Variants in EAF2 observed in about 807,000 individuals in gnomAD.
EAF2 encodes the protein ELL-associated factor 2.
A neutral mutation model predicts 29.4 loss-of-function variants in EAF2; 29 were observed. The ratio of observed to expected loss-of-function variants is 0.99; its 90% CI spans 0.73 to 1.35. The LOEUF (loss-of-function observed/expected upper bound fraction) is 1.35, where lower values mean the gene tolerates loss of function less well. EAF2 is among the 40% of genes most tolerant of loss of function. EAF2 has a pLI of 0.00. For missense variants in EAF2, 292 were observed against 312.0 expected (o/e 0.94, Z 0.48); for synonymous variants, 103 against 102.5 (o/e 1.00, Z -0.03).
intron 1 of EAF2, among the ~76,000 whole-genome samples, chr3:121,840,508 A>AG: frequency 1.7e-5 from 1 of 59,210 alleles, no homozygotes; most frequent in Non-Finnish European, 3.9e-5. Flanking sequence ...AAAAAAAAAA[A>AG]GAAAAAAAAA....
chr3:121,849,254 G>A (rs968591672), intron 2 of EAF2, among the ~76,000 whole-genome samples: 2 of 152,064 alleles, frequency 1.3e-5, no homozygotes, highest in Non-Finnish European at 2.9e-5. Context: ...TTAAGAGTAC[G>A]TTTGGTTCTT....
chr3:121,858,117 C>G (rs1044896843), intron 4 of EAF2, among the ~76,000 whole-genome samples: 3 of 152,216 alleles, frequency 2.0e-5, no homozygotes, highest in Admixed American at 1.3e-4. Flanking sequence ...GTGAATAGTG[C>G]CACAATAAAC....
At chr3:121,842,042 G>T (rs751608739) in intron 1 of EAF2, among the ~76,000 whole-genome samples, 1 of 151,700 alleles carries the variant, frequency 6.6e-6, no homozygotes, top group Non-Finnish European at 1.5e-5. Flanking sequence ...AAAATTTCCG[G>T]GTGTGGTGTC....
In EAF2 at chr3:121,872,662, T is replaced by C. The variant is rs1243799739; in HGVS notation, c.610T>C (p.Ser204Pro). Reference protein sequence around the residue: ...SSDSEDEDCKSSTSDTGNCVS... With the variant: ...SSDSEDEDCKPSTSDTGNCVS... ...TGACTCAGAAGATGAAGATTGCAAA[T>C]CCTCTACTTCTGATACAGGGAATTG... Residue 204 changes from serine (S) to proline (P), a missense_variant, in exon 5 of 6, where the codon TCC becomes CCC. Ser to Pro is a moderately conservative substitution (Grantham distance 74, BLOSUM62 -1). Coordinates refer to ENST00000273668, the MANE Select transcript of EAF2 (RefSeq NM_018456.6). 6.2e-7 allele frequency: 1 copy of C among 1,612,962 alleles called. No homozygotes were observed. The highest frequency in any genetic ancestry group is 8.5e-7 in the Non-Finnish European group (1 of 1,179,234).
intron 5 of EAF2, among the ~76,000 whole-genome samples, chr3:121,874,811 A>C (rs1251406156): frequency 1.3e-5 from 2 of 151,982 alleles, no homozygotes; most frequent in African/African-American, 4.8e-5. Context: ...CCAGAATCAA[A>C]TATAAGATAA....
At chr3:121,884,961 C>T (rs747582785) in intron 5 of EAF2, among the ~76,000 whole-genome samples, 17 of 152,166 alleles carry the variant, frequency 1.1e-4, no homozygotes, top group African/African-American at 3.1e-4. Context: ...TAAACCTGTA[C>T]GATCAATGAC....
intron 2 of EAF2, among the ~76,000 whole-genome samples, chr3:121,845,813 T>C (rs1708520375): frequency 6.6e-6 from 1 of 152,172 alleles, no homozygotes; most frequent in South Asian, 2.1e-4. Context: ...CCAAAAGTTT[T>C]GTCCATTAAA....
At chr3:121,864,674 G>C (rs535710271) in intron 4 of EAF2, among the ~76,000 whole-genome samples, 2 of 151,960 alleles carry the variant, frequency 1.3e-5, no homozygotes, top group South Asian at 4.2e-4. Context: ...AAATTAGCTG[G>C]GTGTGGTGGT....
intron 5 of EAF2, among the ~76,000 whole-genome samples, chr3:121,874,507 G>A (rs1709064605): frequency 2.6e-5 from 4 of 151,722 alleles, no homozygotes; most frequent in Admixed American, 2.0e-4. Flanking sequence ...ACCTGTCTAG[G>A]AATCAGCATA....
At chr3:121,885,208 C>T (rs1290630289) in intron 5 of EAF2, among the ~76,000 whole-genome samples, 1 of 152,166 alleles carries the variant, frequency 6.6e-6, no homozygotes, top group Non-Finnish European at 1.5e-5. Context: ...GGTCATTCTT[C>T]ACTTCTTTCT....
chr3:121,839,922 C>T (rs1336426112), intron 1 of EAF2, among the ~76,000 whole-genome samples: 4 of 152,098 alleles, frequency 2.6e-5, no homozygotes, highest in African/African-American at 4.8e-5. Context: ...GGTCGGGCAC[C>T]GTGCCTCACG....
At chr3:121,847,089 A>G (rs564509539) in intron 2 of EAF2, among the ~76,000 whole-genome samples, 5 of 152,312 alleles carry the variant, frequency 3.3e-5, no homozygotes, top group South Asian at 2.1e-4. Context: ...GTGTGTGTGT[A>G]TATGCATGGA....
At chr3:121,852,209 T>C (rs1708646819) in intron 2 of EAF2, among the ~76,000 whole-genome samples, 1 of 152,212 alleles carries the variant, frequency 6.6e-6, no homozygotes, top group South Asian at 2.1e-4. Flanking sequence ...AGAACAATAA[T>C]ACATTGTAAT....
At chr3:121,855,895 G>C (rs1424367135) in intron 3 of EAF2, among the ~76,000 whole-genome samples, 2 of 152,170 alleles carry the variant, frequency 1.3e-5, no homozygotes, top group African/African-American at 2.4e-5. Flanking sequence ...CCAGGGATTG[G>C]CATGTTTACA....
At chr3:121,866,248 A>G (rs190490962) in intron 4 of EAF2, among the ~76,000 whole-genome samples, 50 of 152,294 alleles carry the variant, frequency 3.3e-4, no homozygotes, top group African/African-American at 1.2e-3. Flanking sequence ...TTTAGTTGAG[A>G]AGACCAAGAC....
At chr3:121,835,504 G>C in intron 1 of EAF2, 113 bp downstream of exon 1, 1 of 924,560 alleles carries the variant, frequency 1.1e-6, no homozygotes. Flanking sequence ...TGGAGACTAC[G>C]GGGCGGGGAG....
chr3:121,883,724 G>A (rs561013433), intron 5 of EAF2, among the ~76,000 whole-genome samples: 7 of 152,262 alleles, frequency 4.6e-5, no homozygotes, highest in African/African-American at 1.7e-4. Context: ...TCCCCTGGGG[G>A]GCAGTACTAC....
chr3:121,839,349 TG>T (rs1708363494), intron 1 of EAF2, among the ~76,000 whole-genome samples: 1 of 152,316 alleles, frequency 6.6e-6, no homozygotes, highest in African/African-American at 2.4e-5. Flanking sequence ...TGATTCCCAC[TG>T]GTCAGCTTGA....
At chr3:121,860,490 G>A (rs1708806775) in intron 4 of EAF2, among the ~76,000 whole-genome samples, 1 of 152,132 alleles carries the variant, frequency 6.6e-6, no homozygotes, top group Admixed American at 6.5e-5. Context: ...ATGGTAGTTT[G>A]TATTTCTGTG....
Sources: gnomAD v4.1 joint callset for allele counts (sites outside exome capture counted in the v4.1 genomes callset) on GRCh38, gnomAD v4.1.1 for gene constraint, MANE v1.5 for transcripts, NCBI Gene and HGNC (gene_info 2026-07-23, HGNC 2026-07-21) for gene names.